Variants in HCN1 observed in about 807,000 individuals in gnomAD.
The protein encoded by HCN1 is hyperpolarization activated cyclic nucleotide gated potassium channel 1.
Under a neutral mutation model 78.9 loss-of-function variants are expected in HCN1, and 13 were observed. The ratio of observed to expected loss-of-function variants is 0.16; its 90% CI spans 0.11 to 0.26. The LOEUF is 0.26. HCN1 is among the 10% of genes least tolerant of loss of function. The probability of loss-of-function intolerance (pLI) is 1.00; values close to 1 mark genes in which losing one functional copy is unlikely to be tolerated. For synonymous variants in HCN1, 552 were observed against 455.5 expected, an observed-to-expected ratio of 1.21 and a Z score of -2.70; for missense variants, 810 against 1,154.3, an observed-to-expected ratio of 0.70 and a Z score of 4.32.
intron 2 of HCN1, among the ~76,000 whole-genome samples, chr5:45,496,576 C>T (rs914458375): frequency 3.9e-5 from 6 of 152,094 alleles, no homozygotes; most frequent in African/African-American, 1.4e-4. Context: ...TTTATTGCGT[C>T]TATTTGATAC....
At chr5:45,556,883 T>C (rs1417267562) in intron 2 of HCN1, among the ~76,000 whole-genome samples, 1 of 151,998 alleles carries the variant, frequency 6.6e-6, no homozygotes, top group Non-Finnish European at 1.5e-5. Context: ...AACAGAAAGA[T>C]GGAGTTCATC....
intron 2 of HCN1, among the ~76,000 whole-genome samples, chr5:45,471,781 T>C (rs977524143): frequency 1.3e-5 from 2 of 152,108 alleles, no homozygotes; most frequent in East Asian, 1.9e-4. Flanking sequence ...CAAGATAAAT[T>C]TGAAATCACT....
intron 4 of HCN1, among the ~76,000 whole-genome samples, chr5:45,359,825 A>T (rs1747075295): frequency 6.6e-6 from 1 of 151,952 alleles, no homozygotes; most frequent in African/African-American, 2.4e-5. Context: ...ATTTAAAAAT[A>T]TCTGAGTATC....
rs559384084 is a variant in HCN1, at chr5:45,565,519, G to T, written c.849+79666C>A. ...CTTTATTGTGATATTATAAAAGAGT[G>T]GTAAAAATAATTAAGCAGTCATGCC... On this transcript the variant is annotated intron_variant, in intron 2 of 7. Transcript: ENST00000303230. Among the ~76,000 whole-genome samples the T allele has an allele frequency of 2.4e-4, 36 of 152,140 alleles. No individual in the cohort carries two copies. The South Asian group carries it at 7.3e-3, about 31-fold the overall frequency.
At chr5:45,385,778 C>A (rs1023980845) in intron 4 of HCN1, among the ~76,000 whole-genome samples, 7 of 152,120 alleles carry the variant, frequency 4.6e-5, no homozygotes, top group Non-Finnish European at 8.8e-5. Flanking sequence ...TAAAATTCCA[C>A]AATTACCACA....
chr5:45,584,494 CTG>C (rs1213111469), intron 2 of HCN1, among the ~76,000 whole-genome samples: 2 of 151,766 alleles, frequency 1.3e-5, no homozygotes, highest in South Asian at 2.1e-4. Context: ...ATTTGCCAGT[CTG>C]TGTCTTTTAA....
At chr5:45,410,934 A>T (rs1740009514) in intron 3 of HCN1, among the ~76,000 whole-genome samples, 1 of 152,114 alleles carries the variant, frequency 6.6e-6, no homozygotes. Context: ...TGTAAGTTTT[A>T]TCATGTGTAG....
At chr5:45,470,458 C>T (rs1418797685) in intron 2 of HCN1, among the ~76,000 whole-genome samples, 1 of 151,810 alleles carries the variant, frequency 6.6e-6, no homozygotes, top group African/African-American at 2.4e-5. Flanking sequence ...TTTGCTAGCA[C>T]CCCAAGAAAC....
chr5:45,594,495 G>T (rs1396614759), intron 2 of HCN1, among the ~76,000 whole-genome samples: 1 of 152,114 alleles, frequency 6.6e-6, no homozygotes, highest in Non-Finnish European at 1.5e-5. Flanking sequence ...TTTCTCAAAT[G>T]AAAAGTAAAA....
At chr5:45,558,351 G>A (rs896463985) in intron 2 of HCN1, 2 of 152,096 alleles carry the variant, frequency 1.3e-5, no homozygotes, top group African/African-American at 4.8e-5. Context: ...GGTTTGTGAG[G>A]TTTAAGGAAA....
At chr5:45,266,319 A>G (rs1466899662) in intron 7 of HCN1, among the ~76,000 whole-genome samples, 2 of 152,050 alleles carry the variant, frequency 1.3e-5, no homozygotes, top group Non-Finnish European at 1.5e-5. Context: ...TTGAGTCTAT[A>G]TTACAAACAT....
chr5:45,524,762 G>C (rs979694754), intron 2 of HCN1, among the ~76,000 whole-genome samples: 15 of 152,108 alleles, frequency 9.9e-5, no homozygotes, highest in African/African-American at 3.6e-4. Flanking sequence ...TTTGGGCTGA[G>C]ACGATGGGGT....
chr5:45,347,774 G>T (rs567067164), intron 5 of HCN1, among the ~76,000 whole-genome samples: 192 of 152,234 alleles, frequency 1.3e-3, no homozygotes, highest in African/African-American at 4.6e-3. Flanking sequence ...AGTGATGGAA[G>T]ATGAAATGAA....
intron 3 of HCN1, among the ~76,000 whole-genome samples, chr5:45,416,600 T>C (rs1290562660): frequency 6.6e-6 from 1 of 151,944 alleles, no homozygotes; most frequent in Admixed American, 6.6e-5. Flanking sequence ...ATAGATTTGG[T>C]AAGAGAAGGA....
intron 5 of HCN1, among the ~76,000 whole-genome samples, chr5:45,334,103 A>C (rs913347399): frequency 2.6e-5 from 4 of 151,934 alleles, no homozygotes; most frequent in African/African-American, 9.7e-5. Flanking sequence ...ATAACTATAG[A>C]AATAAGGCAT....
intron 2 of HCN1, among the ~76,000 whole-genome samples, chr5:45,605,686 C>G (rs959393826): frequency 6.6e-6 from 1 of 151,854 alleles, no homozygotes; most frequent in Non-Finnish European, 1.5e-5. Context: ...CAGTTGTTAT[C>G]TGGTGAATGA....
chr5:45,302,633 A>T (rs960187816), intron 6 of HCN1, among the ~76,000 whole-genome samples: 4 of 150,806 alleles, frequency 2.7e-5, no homozygotes, highest in African/African-American at 9.7e-5. Flanking sequence ...TATATATTTT[A>T]TATATATAAT....
In HCN1 at chr5:45,674,049, T is replaced by G. The variant is rs529930767; in HGVS notation, c.425+21620A>C. 2.2e-3 allele frequency among the ~76,000 whole-genome samples: 332 copies of G among 151,656 alleles called. 1 individual carries two copies. The highest frequency in any genetic ancestry group is 3.6e-3 in the Non-Finnish European group (245 of 67,684). ...TACCAAGGCATTAAGTGAAAACCTT[T>G]TAGTTATTATACTCAGCTTTCCATG... On this transcript the variant is annotated intron_variant, in intron 1 of 7. Coordinates refer to ENST00000303230, the MANE Select transcript of HCN1 (RefSeq NM_021072.4).
At chr5:45,689,388 A>G (rs1739865487) in intron 1 of HCN1, among the ~76,000 whole-genome samples, 2 of 152,168 alleles carry the variant, frequency 1.3e-5, no homozygotes, top group Non-Finnish European at 2.9e-5. Context: ...AAAACTGAGT[A>G]AGATTCATAA....
Sources: allele counts gnomAD v4.1 joint callset (sites outside exome capture counted in the v4.1 genomes callset), GRCh38; gene constraint gnomAD v4.1.1; transcripts MANE v1.5; gene names NCBI Gene and HGNC (gene_info 2026-07-23, HGNC 2026-07-21).